HTR3B: variants seen among roughly 807,000 people sequenced by gnomAD.
The protein encoded by HTR3B is 5-hydroxytryptamine (serotonin) receptor 3B, ionotropic.
In HTR3B, 44 loss-of-function variants were observed where a neutral mutation model predicts 42.8. The observed-to-expected ratio is 1.03, with a 90% CI of 0.81 to 1.32. HTR3B has a LOEUF of 1.32. Among genes scored for constraint, HTR3B ranks in the 40% most tolerant of loss-of-function variants. HTR3B has a pLI of 0.00. For synonymous variants in HTR3B, 203 were observed against 209.0 expected (o/e 0.97, Z 0.25); for missense variants, 527 against 536.5 (o/e 0.98, Z 0.17).
intron 6 of HTR3B, among the ~76,000 whole-genome samples, chr11:113,936,993 G>A (rs1262699266): frequency 6.6e-6 from 1 of 152,170 alleles, no homozygotes; most frequent in African/African-American, 2.4e-5. Flanking sequence ...ATTATTACCT[G>A]GCTTTAATGG....
intron 7 of HTR3B, 32 bp from the exon 8 acceptor site, chr11:113,944,541 A>G: frequency 6.2e-7 from 1 of 1,602,008 alleles, no homozygotes; most frequent in Non-Finnish European, 8.5e-7. Flanking sequence ...TTCAGACTGG[A>G]GGCTAACTGC....
chr11:113,902,958 T>C (rs1949705696), upstream of HTR3B, among the ~76,000 whole-genome samples: 1 of 152,152 alleles, frequency 6.6e-6, no homozygotes, highest in Non-Finnish European at 1.5e-5. Context: ...AGACTCTATC[T>C]CCTGAGCTCA....
In HTR3B at chr11:113,909,306, AC is replaced by A; in HGVS notation, c.65del (p.Thr22LysfsTer26). On this transcript the variant is annotated frameshift_variant, in exon 2 of 9. Coordinates refer to ENST00000260191, the MANE Select transcript of HTR3B (RefSeq NM_006028.5). LOFTEE classifies it high-confidence loss of function. ...AGTTTATTTTCCAGGAATTCTAGCCACAGATACACATCATCCCCAGGATTCT... is the reference window on the plus strand; with the variant it reads ...AGTTTATTTTCCAGGAATTCTAGCCAAGATACACATCATCCCCAGGATTCT... ...CILVAAGILA[T>X]DTHHPQDSAL... is the part of the protein sequence containing the mutation. The A allele has an allele frequency of 6.2e-7, 1 of 1,612,290 alleles. No homozygotes were observed. Among genetic ancestry groups the A allele is most frequent in the South Asian group, 1.1e-5 (1 of 91,038 alleles).
chr11:113,925,839 A>G (rs1253168458), intron 2 of HTR3B, among the ~76,000 whole-genome samples: 1 of 152,148 alleles, frequency 6.6e-6, no homozygotes, highest in African/African-American at 2.4e-5. Flanking sequence ...CCTTTTCTTT[A>G]TTAATACATT....
intron 2 of HTR3B, among the ~76,000 whole-genome samples, chr11:113,918,345 C>T (rs1008033142): frequency 2.0e-5 from 3 of 151,718 alleles, no homozygotes; most frequent in African/African-American, 7.3e-5. Flanking sequence ...ATCAGCACCA[C>T]AATCAAAGTA....
At chr11:113,940,312 C>A (rs1329707816) in intron 6 of HTR3B, among the ~76,000 whole-genome samples, 1 of 152,152 alleles carries the variant, frequency 6.6e-6, no homozygotes. Flanking sequence ...CCATTTCTAC[C>A]CTCCAGAGTC....
chr11:113,903,828 C>G (rs1054632585), upstream of HTR3B, among the ~76,000 whole-genome samples: 1 of 152,180 alleles, frequency 6.6e-6, no homozygotes, highest in African/African-American at 2.4e-5. Context: ...TCTTAGTTTT[C>G]TCTCTTTCTG....
intron 1 of HTR3B, 109 bp downstream of exon 1, chr11:113,905,094 T>C (rs1949725554): frequency 1.3e-6 from 1 of 751,078 alleles, no homozygotes; most frequent in Non-Finnish European, 2.2e-6. Flanking sequence ...TTTGTTTTTA[T>C]TCATCGTCTG....
chr11:113,945,676 T>C (rs2137542498), intron 8 of HTR3B, among the ~76,000 whole-genome samples: 1 of 152,282 alleles, frequency 6.6e-6, no homozygotes, highest in Non-Finnish European at 1.5e-5. Flanking sequence ...CTAGCACACA[T>C]ACACCCTGCT....
chr11:113,906,153 A>T lies in HTR3B; in HGVS notation c.52+1168A>T, dbSNP rs1427841150. Among the ~76,000 whole-genome samples, 3 of 152,366 alleles carry T rather than the reference A, an allele frequency of 2.0e-5. No homozygotes were observed. The East Asian group carries it at 5.8e-4, about 29-fold the overall frequency. ...AGAAGTGTTTTAATAGTGTCTGATA[A>T]CCAGTGCTTTACCATAAATCATTCC... On this transcript the variant is annotated intron_variant, in intron 1 of 8. Transcript: ENST00000260191.
In HTR3B at chr11:113,947,629, C is replaced by G. The variant is rs903955647; in HGVS notation, c.*1492C>G. On this transcript the variant is annotated 3_prime_UTR_variant, in exon 9 of 9. Transcript: ENST00000260191. ...ATGCTCATGTCTGTGTCCAGATTTTCTCTTCTAACAAGGGCACCAGTGTTG... is the reference window on the plus strand; with the variant it reads ...ATGCTCATGTCTGTGTCCAGATTTTGTCTTCTAACAAGGGCACCAGTGTTG... Among the ~76,000 whole-genome samples the G allele has an allele frequency of 6.6e-6, 1 of 152,144 alleles. No individual in the cohort carries two copies. The highest frequency in any genetic ancestry group is 1.5e-5 in the Non-Finnish European group (1 of 68,022).
rs975705389 is a variant in HTR3B at position 113,920,821 on chromosome 11, A to AT, written c.214-10554dup. On this transcript the variant is annotated intron_variant, in intron 2 of 8. Transcript: ENST00000260191. Reference sequence around the variant, plus strand: ...AAATTCCTTCAAGTTTTTTATTTTTATTTTTTTTTGAGACAGAGTCTCACT... The same window carrying AT: ...AAATTCCTTCAAGTTTTTTATTTTTATTTTTTTTTTGAGACAGAGTCTCACT... Among the ~76,000 whole-genome samples the AT allele has an allele frequency of 1.3e-4, 19 of 150,758 alleles. No individual in the cohort carries two copies. In the South Asian group the frequency reaches 1.3e-3, roughly 10 times the overall value.
chr11:113,924,912 C>A (rs566769247), intron 2 of HTR3B, among the ~76,000 whole-genome samples: 68 of 152,172 alleles, frequency 4.5e-4, no homozygotes, highest in African/African-American at 1.6e-3. Flanking sequence ...TAAAGCAGGG[C>A]GACTATGTTT....
chr11:113,938,172 A>G (rs1457303390), intron 6 of HTR3B, among the ~76,000 whole-genome samples: 2 of 152,012 alleles, frequency 1.3e-5, no homozygotes, highest in Admixed American at 1.3e-4. Context: ...CAATGATATC[A>G]TTTCCAAATA....
intron 2 of HTR3B, among the ~76,000 whole-genome samples, chr11:113,923,008 A>T (rs1949931840): frequency 6.6e-6 from 1 of 152,250 alleles, no homozygotes; most frequent in Non-Finnish European, 1.5e-5. Flanking sequence ...TATTGGATTG[A>T]TACTTGTCCA....
At chr11:113,940,359 G>A (rs775615507) in intron 6 of HTR3B, among the ~76,000 whole-genome samples, 34 of 152,088 alleles carry the variant, frequency 2.2e-4, no homozygotes, top group Non-Finnish European at 4.9e-4. Context: ...GACCCCACAG[G>A]GCTAGATCAC....
chr11:113,928,630 G>A (rs1950000131), intron 2 of HTR3B, among the ~76,000 whole-genome samples: 1 of 152,054 alleles, frequency 6.6e-6, no homozygotes, highest in Non-Finnish European at 1.5e-5. Flanking sequence ...CTCCACCCCT[G>A]GGATCAAGCA....
At chr11:113,926,354 A>G (rs1465239096) in intron 2 of HTR3B, among the ~76,000 whole-genome samples, 1 of 151,924 alleles carries the variant, frequency 6.6e-6, no homozygotes, top group Non-Finnish European at 1.5e-5. Context: ...GTGTGGACTT[A>G]TTTCTTCAGT....
intron 2 of HTR3B, among the ~76,000 whole-genome samples, chr11:113,925,050 C>T (rs1404405409): frequency 2.0e-5 from 3 of 152,212 alleles, no homozygotes; most frequent in Non-Finnish European, 2.9e-5. Context: ...AATGATGCCA[C>T]CTGGCGCAGA....
Sources: allele counts gnomAD v4.1 joint callset (sites outside exome capture counted in the v4.1 genomes callset), GRCh38; gene constraint gnomAD v4.1.1; transcripts MANE v1.5; gene names NCBI Gene and HGNC (gene_info 2026-07-23, HGNC 2026-07-21).